LMBRD2: variants seen among roughly 807,000 people sequenced by gnomAD.
The protein encoded by LMBRD2 is LMBR1 domain containing 2.
LMBRD2 carries 55 observed loss-of-function variants against 94.4 expected under a neutral mutation model. That is an observed-to-expected ratio of 0.58 (90% confidence interval 0.47 to 0.73). The LOEUF is 0.73. Among genes scored for constraint, LMBRD2 ranks in the 30% least tolerant of loss-of-function variants. The pLI is 0.00. For missense variants in LMBRD2, 640 were observed against 831.9 expected (o/e 0.77, Z 2.84); for synonymous variants, 246 against 272.4 (o/e 0.90, Z 0.95).
At chr5:36,116,729 T>G (rs1743754548) in intron 10 of LMBRD2, 136 bp from the exon 11 acceptor site, 6 of 761,320 alleles carry the variant, frequency 7.9e-6, no homozygotes, top group Non-Finnish European at 1.2e-5. Flanking sequence ...CAGGCTGGAG[T>G]GCAGTGGCGC....
chr5:36,134,755 A>G (rs1375187089), intron 6 of LMBRD2, among the ~76,000 whole-genome samples: 2 of 152,166 alleles, frequency 1.3e-5, no homozygotes, highest in African/African-American at 4.8e-5. Context: ...CTGTGAGCCA[A>G]TATTTTCTAT....
intron 1 of LMBRD2, among the ~76,000 whole-genome samples, chr5:36,146,916 C>G (rs1744555657): frequency 6.7e-6 from 1 of 148,510 alleles, no homozygotes; most frequent in Non-Finnish European, 1.5e-5. Flanking sequence ...TCACTTCTCT[C>G]TCTGCGTGTG....
At chr5:36,135,975 A>G (rs1424124928) in intron 6 of LMBRD2, among the ~76,000 whole-genome samples, 2 of 152,354 alleles carry the variant, frequency 1.3e-5, no homozygotes, top group South Asian at 2.1e-4. Flanking sequence ...CAGTTCTACT[A>G]TGTTAGGGTA....
rs2111830050 is a variant in LMBRD2 at position 36,101,351 on chromosome 5, A to C, written c.*2695T>G. On this transcript the variant is annotated 3_prime_UTR_variant, in exon 18 of 18. Transcript: ENST00000296603. ...ATTCTGAATTACTGGCTTACTGAAT[A>C]TTCTTACCTAACAACTATTTAAAGA... 6.6e-6 allele frequency: 1 copy of C among 152,098 alleles called. No homozygotes were observed. Among genetic ancestry groups the C allele is most frequent in the South Asian group, 2.1e-4 (1 of 4,832 alleles). 9.4% of individuals were successfully genotyped at this position (152,098 alleles called of 1,614,324 possible).
intron 2 of LMBRD2, among the ~76,000 whole-genome samples, 172 bp downstream of exon 2, chr5:36,143,004 C>T (rs191966586): frequency 3.9e-5 from 6 of 152,228 alleles, no homozygotes; most frequent in Non-Finnish European, 7.4e-5. Context: ...AAATTACAGG[C>T]GTGAGCCACC....
chr5:36,136,616 T>A, intron 5 of LMBRD2, 97 bp from the exon 6 acceptor site: 1 of 988,612 alleles, frequency 1.0e-6, no homozygotes, highest in Non-Finnish European at 1.5e-6. Flanking sequence ...CTGTTTCTAC[T>A]GCAGTTAAAA....
At chr5:36,141,282 G>T in intron 3 of LMBRD2, 80 bp from the exon 4 acceptor site, 1 of 762,914 alleles carries the variant, frequency 1.3e-6, no homozygotes, top group African/African-American at 1.8e-5. Context: ...ATGTGGCCAA[G>T]TTAATTTACA....
chr5:36,113,258 T>C (rs1743657147), intron 13 of LMBRD2, among the ~76,000 whole-genome samples: 1 of 152,144 alleles, frequency 6.6e-6, no homozygotes, highest in Non-Finnish European at 1.5e-5. Context: ...TCCGATCTAA[T>C]TACCGGTGCA....
chr5:36,120,601 C>A (rs1330406345), intron 9 of LMBRD2, among the ~76,000 whole-genome samples: 1 of 152,132 alleles, frequency 6.6e-6, no homozygotes, highest in African/African-American at 2.4e-5. Flanking sequence ...GTGATAATTT[C>A]TCTTGACTAT....
intron 6 of LMBRD2, among the ~76,000 whole-genome samples, chr5:36,130,181 TATA>T (rs768305414): frequency 9.2e-5 from 14 of 152,044 alleles, no homozygotes; most frequent in Non-Finnish European, 1.8e-4. Context: ...AAACTTAAAG[TATA>T]ATAATAATAA....
chr5:36,143,575 G>A (rs1444619369), intron 1 of LMBRD2, among the ~76,000 whole-genome samples, 169 bp from the exon 2 acceptor site: 1 of 152,126 alleles, frequency 6.6e-6, no homozygotes, highest in East Asian at 1.9e-4. Flanking sequence ...CTATCCTCAA[G>A]TACTTATATT....
rs1027103752 is a variant in LMBRD2 at position 36,102,168 on chromosome 5, C to T, written c.*1878G>A. On this transcript the variant is annotated 3_prime_UTR_variant, in exon 18 of 18. Transcript: ENST00000296603. ...AAACTGGACCCATTTCTGGGATGAT[C>T]ATTTCCCCATCCAATACCTTCAAGT... 6.6e-6 allele frequency: 1 copy of T among 151,898 alleles called. No homozygotes were observed. The highest frequency in any genetic ancestry group is 1.5e-5 in the Non-Finnish European group (1 of 67,860). 9.4% of individuals were successfully genotyped at this position (151,898 alleles called of 1,614,324 possible).
At position 36,103,388 on chromosome 5, in the gene LMBRD2, A is replaced by G. The variant is rs895508273; in HGVS notation, c.*658T>C. The G allele has an allele frequency of 6.6e-6, 1 of 152,306 alleles. No homozygotes were observed. Among genetic ancestry groups the G allele is most frequent in the African/African-American group, 2.4e-5 (1 of 41,418 alleles). 9.4% of individuals were successfully genotyped at this position (152,306 alleles called of 1,614,324 possible). On this transcript the variant is annotated 3_prime_UTR_variant, in exon 18 of 18. Transcript: ENST00000296603. ...TTACTACAAAGACTGAAGGAATACT[A>G]TATCACCTGATTATAGTACACATGC... is the stretch of plus-strand genomic sequence containing the variant.
chr5:36,126,380 C>T (rs1306241293), intron 6 of LMBRD2, among the ~76,000 whole-genome samples: 3 of 152,172 alleles, frequency 2.0e-5, no homozygotes, highest in African/African-American at 7.2e-5. Flanking sequence ...AGGGTTCCTT[C>T]AAAAGTTCAT....
chr5:36,113,888 C>T (rs774090732), intron 13 of LMBRD2, among the ~76,000 whole-genome samples: 6 of 152,146 alleles, frequency 3.9e-5, no homozygotes, highest in Non-Finnish European at 7.3e-5. Context: ...ACCATTCATT[C>T]TAATTCCATG....
rs773527332 is a variant in LMBRD2, at chr5:36,108,621, C to T, written c.1810G>A (p.Gly604Arg). The change falls in exon 16 of 18, where the codon GGA (glycine) becomes AGA (arginine). Residue 604 changes from glycine to arginine, a missense_variant. Around this residue, in one of 2 missense-constraint regions of LMBRD2, gnomAD observed 183 missense variants for 189.1 expected, o/e 0.97. Transcript: ENST00000296603. ...NRRREWKERY[G>R]HNREDSTRNR... The stretch of plus-strand genomic sequence containing the variant: ...CTAGTGGAATCTTCTCTATTGTGTC[C>T]ATAACGTTCTTTCCATTCCTAGAAA... 3.6e-5 allele frequency: 56 copies of T among 1,539,780 alleles called. 1 individual carries two copies. The South Asian group carries it at 6.3e-4, about 17-fold the overall frequency.
At chr5:36,150,815 A>G (rs1744680854) in intron 1 of LMBRD2, among the ~76,000 whole-genome samples, 1 of 152,218 alleles carries the variant, frequency 6.6e-6, no homozygotes, top group South Asian at 2.1e-4. Context: ...TTACTTTTCA[A>G]GCTAAGGACC....
At chr5:36,108,686 C>A in intron 15 of LMBRD2, 47 bp from the exon 16 acceptor site, 2 of 860,934 alleles carry the variant, frequency 2.3e-6, no homozygotes, top group South Asian at 4.4e-5. Flanking sequence ...GAAAATAATT[C>A]ATTAATGTCA....
chr5:36,136,672 C>T (rs987123022), intron 5 of LMBRD2, among the ~76,000 whole-genome samples, 153 bp from the exon 6 acceptor site: 1 of 152,024 alleles, frequency 6.6e-6, no homozygotes, highest in Non-Finnish European at 1.5e-5. Context: ...TATATTTTCC[C>T]AAAGGAAACA....
Sources: gnomAD v4.1 joint callset for allele counts (sites outside exome capture counted in the v4.1 genomes callset) on GRCh38, gnomAD v4.1.1 for gene constraint, gnomAD v4.1.1 regional missense constraint, MANE v1.5 for transcripts, NCBI Gene and HGNC (gene_info 2026-07-23, HGNC 2026-07-21) for gene names.